EHD1: variants seen among roughly 807,000 people sequenced by gnomAD.
EHD1 encodes the protein EH domain-containing protein 1.
Under a neutral mutation model 39.0 loss-of-function variants are expected in EHD1, and 19 were observed. The observed-to-expected ratio is 0.49, with a 90% confidence interval of 0.34 to 0.72. The LOEUF (loss-of-function observed/expected upper bound fraction) is 0.72, where lower values mean the gene tolerates loss of function less well. EHD1 is among the 30% of genes least tolerant of loss of function. The pLI is 0.01. For missense variants in EHD1, 542 were observed against 751.5 expected (o/e 0.72, Z 3.26); for synonymous variants, 323 against 331.2 (o/e 0.98, Z 0.27).
At chr11:64,858,963 C>T (rs948003553) in intron 3 of EHD1, among the ~76,000 whole-genome samples, 4 of 152,316 alleles carry the variant, frequency 2.6e-5, no homozygotes, top group South Asian at 2.1e-4. Flanking sequence ...CAGTGCTCCC[C>T]GGGCTGCAGG....
rs151284817 is a variant in EHD1 at position 64,866,942 on chromosome 11, C to T, written c.503-6606G>A. 1.0e-3 allele frequency among the ~76,000 whole-genome samples: 154 copies of T among 152,116 alleles called. 1 individual carries two copies. The highest frequency in any genetic ancestry group is 7.0e-3 in the East Asian group (36 of 5,174). Reference sequence around the variant, plus strand: ...TATAGAATGGGGAGTGCAGGGGCTGCGGGGTGCAGGGAGCCACGAGGGGAG... The same window carrying T: ...TATAGAATGGGGAGTGCAGGGGCTGTGGGGTGCAGGGAGCCACGAGGGGAG... On this transcript the variant is annotated intron_variant, in intron 2 of 4. Coordinates refer to ENST00000320631, the MANE Select transcript of EHD1 (RefSeq NM_006795.4).
Position 64,878,580 on chromosome 11 carries a change from G to A in EHD1, c.-116C>T. ...GGGAATCGGGAGCGACCCACACTGC[G>A]CAGGCGCACAGCCCAGCCCGTCGAA... is the stretch of plus-strand genomic sequence containing the variant. On this transcript the variant is annotated 5_prime_UTR_variant, in exon 1 of 5. Transcript: ENST00000320631. The A allele has an allele frequency of 2.1e-6, 3 of 1,444,942 alleles. No individual in the cohort carries two copies. The highest frequency in any genetic ancestry group is 1.8e-6 in the Non-Finnish European group (2 of 1,104,826). 89.5% of individuals were successfully genotyped at this position (1,444,942 alleles called of 1,614,324 possible).
intron 3 of EHD1, among the ~76,000 whole-genome samples, chr11:64,856,874 G>A (rs1209793559): frequency 6.6e-6 from 1 of 152,222 alleles, no homozygotes; most frequent in Non-Finnish European, 1.5e-5. Flanking sequence ...GGGCCTGGCA[G>A]TCACACATGG....
At chr11:64,871,224 G>C (rs1443694210) in intron 2 of EHD1, among the ~76,000 whole-genome samples, 1 of 152,174 alleles carries the variant, frequency 6.6e-6, no homozygotes, top group African/African-American at 2.4e-5. Context: ...TTGTGCTGGG[G>C]CCCTGGTGCG....
chr11:64,877,565 C>T (rs57851864), intron 1 of EHD1, among the ~76,000 whole-genome samples: 13,732 of 152,246 alleles, frequency 0.09, 1,053 homozygotes, highest in East Asian at 0.46. Flanking sequence ...CTCCCTCCTA[C>T]ACAAAACCAC....
At position 64,854,558 on chromosome 11, in the gene EHD1, G is replaced by A. The variant is rs753625953; in HGVS notation, c.1380C>T (p.Gly460=). ...EIFYTLSPVN[G]KITGANAKKE... ...TCTTGGCGTTGGCGCCCGTGATCTT[G>A]CCGTTGACAGGGGACAGCGTGTAGA... is the stretch of plus-strand genomic sequence containing the variant. The change falls in exon 5 of 5, where the codon GGC becomes GGT. Residue 460 remains glycine (G), a synonymous_variant. Coordinates refer to ENST00000320631, the MANE Select transcript of EHD1 (RefSeq NM_006795.4). 3.7e-6 allele frequency: 6 copies of A among 1,614,178 alleles called. No individual in the cohort carries two copies. In the South Asian group the frequency reaches 6.6e-5, roughly 18 times the overall value.
rs1392584744 is a variant in EHD1, at chr11:64,854,275, C to T, written c.*58G>A. 36 of 1,527,952 alleles carry T rather than the reference C, an allele frequency of 2.4e-5. No individual in the cohort carries two copies. Among genetic ancestry groups the T allele is most frequent in the Admixed American group, 9.6e-5 (5 of 52,196 alleles). 94.6% of individuals were successfully genotyped at this position (1,527,952 alleles called of 1,614,324 possible). ...CTTGAGAAATGGTGAGGCTTCCCCT[C>T]CCCCCGTCTCTGCCTCCCGGCCGGG... is the stretch of plus-strand genomic sequence containing the variant. On this transcript the variant is annotated 3_prime_UTR_variant, in exon 5 of 5. Coordinates refer to ENST00000320631, the MANE Select transcript of EHD1 (RefSeq NM_006795.4).
At chr11:64,854,885 C>T (rs201187052) in intron 4 of EHD1, 28 bp from the exon 5 acceptor site, 2 of 1,587,548 alleles carry the variant, frequency 1.3e-6, no homozygotes, top group Admixed American at 3.4e-5. Context: ...AGGACAAGGG[C>T]TGGGAAGGGA....
intron 2 of EHD1, among the ~76,000 whole-genome samples, chr11:64,862,354 G>A (rs1250539924): frequency 6.6e-6 from 1 of 152,190 alleles, no homozygotes; most frequent in Non-Finnish European, 1.5e-5. Context: ...TCCAGTTTCA[G>A]CTGGATTCAT....
intron 1 of EHD1, 36 bp from the exon 2 acceptor site, chr11:64,874,554 G>T: frequency 6.5e-7 from 1 of 1,536,380 alleles, no homozygotes; most frequent in Non-Finnish European, 8.8e-7. Context: ...GAGGCGTCAA[G>T]ACACAGTCAT....
rs967770215 is a variant in EHD1, at chr11:64,853,895, A to T, written c.*438T>A. The T allele has an allele frequency of 2.3e-5, 4 of 174,718 alleles. No individual in the cohort carries two copies. Among genetic ancestry groups the T allele is most frequent in the African/African-American group, 9.5e-5 (4 of 42,282 alleles). The allele number at this position is 174,718 out of a possible 1,614,324, so 10.8% of individuals were successfully genotyped here. On this transcript the variant is annotated 3_prime_UTR_variant, in exon 5 of 5. Coordinates refer to ENST00000320631, the MANE Select transcript of EHD1 (RefSeq NM_006795.4). ...AAGGAAGCCACGGTCCCGTGAAGCAACCTCAGCTCAGAAGCACACGGAGGG... is the reference window on the plus strand; with the variant it reads ...AAGGAAGCCACGGTCCCGTGAAGCATCCTCAGCTCAGAAGCACACGGAGGG...
intron 2 of EHD1, among the ~76,000 whole-genome samples, chr11:64,864,839 G>A (rs535715345): frequency 6.6e-6 from 1 of 152,246 alleles, no homozygotes; most frequent in East Asian, 1.9e-4. Context: ...ACGGCGCCTG[G>A]GGAGCTGAGG....
chr11:64,879,557 G>C (rs538425248), upstream of EHD1: 7 of 1,547,926 alleles, frequency 4.5e-6, no homozygotes, highest in South Asian at 2.4e-5. Context: ...CTTTCCTCTC[G>C]GGGTCACCAC....
intron 2 of EHD1, among the ~76,000 whole-genome samples, chr11:64,862,264 CCAATTAAAGTGAATT>C (rs1317734863): frequency 6.6e-6 from 1 of 152,140 alleles, no homozygotes; most frequent in Admixed American, 6.6e-5. Context: ...TTAAGGCCCA[CCAATTAAAGTGAATT>C]CTGTCGCCTG....
chr11:64,877,953 G>T, intron 1 of EHD1, 108 bp downstream of exon 1: 1 of 1,195,566 alleles, frequency 8.4e-7, no homozygotes, highest in Non-Finnish European at 1.1e-6. Flanking sequence ...GTCTCACTGG[G>T]GCCTCGGAGA....
chr11:64,873,482 C>T (rs1031175037), intron 2 of EHD1, among the ~76,000 whole-genome samples: 5 of 152,104 alleles, frequency 3.3e-5, no homozygotes, highest in African/African-American at 7.2e-5. Context: ...CAGCATGGCC[C>T]GATTCTGATC....
chr11:64,854,199 G>T lies in EHD1; in HGVS notation c.*134C>A. 7.2e-7 allele frequency: 1 copy of T among 1,388,628 alleles called. No individual in the cohort carries two copies. Among genetic ancestry groups the T allele is most frequent in the African/African-American group, 1.5e-5 (1 of 68,806 alleles). The allele number at this position is 1,388,628 out of a possible 1,614,324, so 86.0% of individuals were successfully genotyped here. A position where few individuals can be genotyped will look rare whatever the true frequency, so the allele number is the denominator to read the frequency against. On this transcript the variant is annotated 3_prime_UTR_variant, in exon 5 of 5. Coordinates refer to ENST00000320631, the MANE Select transcript of EHD1 (RefSeq NM_006795.4). ...CAGGAACAGCCTTAAAAGAAAGATGGTGGTTTTCCTTTTCGAGAGGCGAGG... is the reference window on the plus strand; with the variant it reads ...CAGGAACAGCCTTAAAAGAAAGATGTTGGTTTTCCTTTTCGAGAGGCGAGG...
At chr11:64,855,543 A>G in intron 3 of EHD1, 57 bp from the exon 4 acceptor site, 1 of 1,604,844 alleles carries the variant, frequency 6.2e-7, no homozygotes, top group East Asian at 2.2e-5. Context: ...CCCCGAGAGC[A>G]GAGCCTCCAA....
In EHD1 at chr11:64,854,675, C is replaced by T. The variant is rs756567196; in HGVS notation, c.1263G>A (p.Pro421=). ...CCCCCTCGCCGTAGCCGTGCCCGAA[C>T]GGCCCGTTCATGGTGCCGTCAAAGG... The part of the protein sequence containing the change: ...GGAFDGTMNG[P]FGHGYGEGAG... The change falls in exon 5 of 5, where the codon CCG becomes CCA. Residue 421 remains proline, a synonymous_variant. Coordinates refer to ENST00000320631, the MANE Select transcript of EHD1 (RefSeq NM_006795.4). 9.3e-6 allele frequency: 15 copies of T among 1,613,716 alleles called. No individual in the cohort carries two copies. Among genetic ancestry groups the T allele is most frequent in the African/African-American group, 2.7e-5 (2 of 74,928 alleles).
Sources: gnomAD v4.1 joint callset for allele counts (sites outside exome capture counted in the v4.1 genomes callset) on GRCh38, gnomAD v4.1.1 for gene constraint, MANE v1.5 for transcripts, NCBI Gene and HGNC (gene_info 2026-07-23, HGNC 2026-07-21) for gene names.